Variants in C5orf46 observed in about 807,000 individuals in gnomAD.
The protein encoded by C5orf46 is uncharacterized protein C5orf46.
Under a neutral mutation model 8.9 loss-of-function variants are expected in C5orf46, and 9 were observed. The ratio of observed to expected loss-of-function variants is 1.01; its 90% CI spans 0.61 to 1.76. The LOEUF is 1.76. Among genes scored for constraint, C5orf46 ranks in the 40% most tolerant of loss-of-function variants. C5orf46 has a pLI of 0.00. For missense variants in C5orf46, 98 were observed against 107.8 expected, an observed-to-expected ratio of 0.91 and a Z score of 0.40; for synonymous variants, 47 against 41.4, an observed-to-expected ratio of 1.14 and a Z score of -0.52.
intron 1 of C5orf46, among the ~76,000 whole-genome samples, chr5:147,905,089 A>G (rs1670143058): frequency 6.6e-6 from 1 of 152,016 alleles, no homozygotes; most frequent in African/African-American, 2.4e-5. Flanking sequence ...AAAATATTAA[A>G]CGATTGATAT....
intron 3 of C5orf46, among the ~76,000 whole-genome samples, chr5:147,894,463 T>C (rs997474496): frequency 2.6e-5 from 4 of 152,190 alleles, no homozygotes; most frequent in Admixed American, 2.0e-4. Flanking sequence ...TGTACCTCTC[T>C]CTACTCATCA....
intron 1 of C5orf46, among the ~76,000 whole-genome samples, chr5:147,902,716 A>G (rs1407492129): frequency 1.3e-5 from 2 of 152,250 alleles, no homozygotes; most frequent in Non-Finnish European, 2.9e-5. Flanking sequence ...AAAGTACTCT[A>G]TGATGAGCTG....
At chr5:147,889,604 T>G (rs1425387256), downstream of C5orf46, among the ~76,000 whole-genome samples, 1 of 152,134 alleles carries the variant, frequency 6.6e-6, no homozygotes, top group Non-Finnish European at 1.5e-5. Context: ...CGTTTATCTA[T>G]GTAACAAACC....
chr5:147,895,516 G>A (rs773971655), intron 3 of C5orf46, among the ~76,000 whole-genome samples: 29 of 152,234 alleles, frequency 1.9e-4, no homozygotes, highest in Non-Finnish European at 2.9e-4. Flanking sequence ...GCCTGACCAC[G>A]GTTACATAAC....
chr5:147,887,754 T>G (rs1483452293), downstream of C5orf46: 1 of 152,306 alleles, frequency 6.6e-6, no homozygotes, highest in East Asian at 1.9e-4. Context: ...GACAAGAGAT[T>G]GCCTGTTTAT....
chr5:147,888,284 C>T (rs1331150064), downstream of C5orf46, among the ~76,000 whole-genome samples: 1 of 152,182 alleles, frequency 6.6e-6, no homozygotes. Context: ...TTACTCTGGA[C>T]CCCTCTGTCT....
In C5orf46 at chr5:147,901,634, C is replaced by G; in HGVS notation, c.210G>C (p.Arg70Ser). 3 of 1,613,832 alleles carry G rather than the reference C, an allele frequency of 1.9e-6. No individual in the cohort carries two copies. Among genetic ancestry groups the G allele is most frequent in the Non-Finnish European group, 2.5e-6 (3 of 1,179,880 alleles). Residue 70 changes from arginine to serine, a missense_variant, in exon 2 of 4, where the codon AGG (arginine) becomes AGC (serine). Physicochemically the swap from Arg to Ser is moderately radical, Grantham distance 110. Transcript: ENST00000318315. ...AVEFILRSMS[R>S]STGFMEFDDN... ...ACGTTTTTCTCAGTGCTTACGTGCT[C>G]CTGGACATGGAGCGGAGGATGAACT... is the stretch of plus-strand genomic sequence containing the variant.
chr5:147,895,991 C>A (rs530686072), intron 3 of C5orf46, among the ~76,000 whole-genome samples: 1 of 152,138 alleles, frequency 6.6e-6, no homozygotes, highest in African/African-American at 2.4e-5. Flanking sequence ...GGAAAAGGAG[C>A]ATTTCCAGAC....
At chr5:147,890,792 A>T (rs1288234475), downstream of C5orf46, among the ~76,000 whole-genome samples, 1 of 152,192 alleles carries the variant, frequency 6.6e-6, no homozygotes, top group Non-Finnish European at 1.5e-5. Context: ...GAGAAAGCTA[A>T]TGAGTAGGAG....
intron 3 of C5orf46, among the ~76,000 whole-genome samples, chr5:147,894,591 C>T (rs1459914479): frequency 6.6e-6 from 1 of 152,034 alleles, no homozygotes; most frequent in Non-Finnish European, 1.5e-5. Context: ...TTCCCAAGGC[C>T]CCTTTATGCA....
downstream of C5orf46, among the ~76,000 whole-genome samples, chr5:147,889,328 C>T (rs890585268): frequency 2.6e-5 from 4 of 152,148 alleles, no homozygotes; most frequent in African/African-American, 9.7e-5. Context: ...TATGTTTGAA[C>T]AGTCAGGGAC....
downstream of C5orf46, among the ~76,000 whole-genome samples, chr5:147,889,198 C>G (rs1339229377): frequency 1.3e-5 from 2 of 151,940 alleles, no homozygotes; most frequent in African/African-American, 4.8e-5. Context: ...TATTGAATAG[C>G]TTTTTAAAGA....
chr5:147,896,874 G>T, intron 3 of C5orf46, 110 bp downstream of exon 3: 1 of 450,320 alleles, frequency 2.2e-6, no homozygotes, highest in South Asian at 5.7e-5. Flanking sequence ...TACTTTTTCT[G>T]CTTGTAGGTA....
At chr5:147,905,190 G>A (rs1216381802) in intron 1 of C5orf46, among the ~76,000 whole-genome samples, 1 of 152,044 alleles carries the variant, frequency 6.6e-6, no homozygotes, top group African/African-American at 2.4e-5. Context: ...CTACTTTGTT[G>A]AGTTTCTTAG....
chr5:147,904,006 C>T (rs1213320538), intron 1 of C5orf46, among the ~76,000 whole-genome samples: 1 of 152,088 alleles, frequency 6.6e-6, no homozygotes, highest in Non-Finnish European at 1.5e-5. Context: ...CGTCGGCCTC[C>T]TGAAGTGCTG....
At chr5:147,896,915 C>T in intron 3 of C5orf46, 69 bp downstream of exon 3, 1 of 670,256 alleles carries the variant, frequency 1.5e-6, no homozygotes, top group Non-Finnish European at 2.4e-6. Flanking sequence ...TTAAATAAAA[C>T]TGGACAGACT....
chr5:147,898,331 CAAT>C (rs1323559589), intron 2 of C5orf46, among the ~76,000 whole-genome samples: 2 of 151,878 alleles, frequency 1.3e-5, no homozygotes, highest in African/African-American at 4.8e-5. Context: ...GAATATTCAG[CAAT>C]TCGATGAAGG....
At chr5:147,901,548 G>A (rs2127130767) in intron 2 of C5orf46, 81 bp downstream of exon 2, 1 of 1,286,136 alleles carries the variant, frequency 7.8e-7, no homozygotes, top group Non-Finnish European at 1.1e-6. Flanking sequence ...TGTTTCTCAT[G>A]TATTTTAATG....
chr5:147,892,067 T>A (rs1281691987), downstream of C5orf46, among the ~76,000 whole-genome samples: 3 of 152,370 alleles, frequency 2.0e-5, no homozygotes, highest in African/African-American at 7.2e-5. Flanking sequence ...AGAAACTTTA[T>A]TCTAGATTAG....
Sources: allele counts gnomAD v4.1 joint callset (sites outside exome capture counted in the v4.1 genomes callset), GRCh38; gene constraint gnomAD v4.1.1; transcripts MANE v1.5; gene names NCBI Gene and HGNC (gene_info 2026-07-23, HGNC 2026-07-21).